Variants in CEP192 observed in about 807,000 individuals in gnomAD.
CEP192 encodes the protein centrosomal protein of 192 kDa.
A neutral mutation model predicts 271.8 loss-of-function variants in CEP192; 151 were observed. That is an observed-to-expected ratio of 0.56 (90% CI 0.49 to 0.64). The LOEUF is 0.64. Among genes scored for constraint, CEP192 ranks in the 30% least tolerant of loss-of-function variants. CEP192 has a pLI of 0.00. For synonymous variants in CEP192, 995 were observed against 1,076.5 expected (o/e 0.92, Z 1.48); for missense variants, 2,910 against 3,020.5 (o/e 0.96, Z 0.86).
Position 13,089,984 on chromosome 18 carries a change from G to A in CEP192, c.6103+419G>A, listed in dbSNP as rs557220398. ...CTCATTTTGAGGTTACTGTGCTATC[G>A]TGCCTATTGTAAGATTTATGGAAGA... On this transcript the variant is annotated intron_variant, in intron 33 of 44. Transcript: ENST00000506447. Among the ~76,000 whole-genome samples the A allele has an allele frequency of 2.7e-4, 41 of 152,212 alleles. 1 individual carries two copies. In the South Asian group the frequency reaches 8.3e-3, roughly 31 times the overall value.
intron 38 of CEP192, among the ~76,000 whole-genome samples, chr18:13,102,348 CCT>C (rs2144908639): frequency 6.6e-6 from 1 of 152,144 alleles, no homozygotes; most frequent in South Asian, 2.1e-4. Flanking sequence ...CCTGTGGTCC[CCT>C]CTCGCTCCAG....
At chr18:13,088,327 G>GT (rs1470569503) in intron 32 of CEP192, among the ~76,000 whole-genome samples, 1 of 152,000 alleles carries the variant, frequency 6.6e-6, no homozygotes, top group African/African-American at 2.4e-5. Context: ...GTGTGCACCT[G>GT]TAGTCCTCAC....
intron 21 of CEP192, among the ~76,000 whole-genome samples, chr18:13,062,468 AC>A (rs1428657220): frequency 6.6e-6 from 1 of 151,912 alleles, no homozygotes; most frequent in Non-Finnish European, 1.5e-5. Flanking sequence ...TCTCTAACTT[AC>A]ATTCCTAGAA....
Position 13,124,738 on chromosome 18 carries a change from C to T in CEP192, c.7582C>T (p.Arg2528Ter), listed in dbSNP as rs766305435. Residue 2528 changes from arginine to a stop codon, truncating the protein, a stop_gained, in exon 45 of 45, where the codon CGA becomes TGA. Coordinates refer to ENST00000506447, the MANE Select transcript of CEP192 (RefSeq NM_032142.4). LOFTEE classifies it high-confidence loss of function. ...AGATGAAGGCAAGAGTATTGCTATT[C>T]GACTAATTGGTGAAGCTCTTGGAAA... ...QTDEGKSIAIRLIGEALGKN is the reference protein window; with the variant it reads ...QTDEGKSIAI The T allele has an allele frequency of 1.5e-5, 24 of 1,611,936 alleles. No homozygotes were observed. Among genetic ancestry groups the T allele is most frequent in the East Asian group, 1.1e-4 (5 of 44,864 alleles).
rs1463221364 is a variant in CEP192, at chr18:13,068,016, A to AT, written c.4614+67dup. On this transcript the variant is annotated intron_variant, in intron 22 of 44. Coordinates refer to ENST00000506447, the MANE Select transcript of CEP192 (RefSeq NM_032142.4). ...GAATGCACTGATCTTATGAAAGTAC[A>AT]TTTTTTTAAGGATTTTGTTAGCAAA... is the stretch of plus-strand genomic sequence containing the variant. 37 of 1,602,536 alleles carry AT rather than the reference A, an allele frequency of 2.3e-5. No homozygotes were observed. The East Asian group carries it at 5.2e-4, about 22-fold the overall frequency.
intron 9 of CEP192, 117 bp downstream of exon 9, chr18:13,019,323 GA>G: frequency 1.2e-6 from 1 of 809,314 alleles, no homozygotes; most frequent in Non-Finnish European, 1.8e-6. Flanking sequence ...GAAAAATACA[GA>G]AAAAGTACTC....
At chr18:13,076,004 G>A (rs1209998389) in intron 30 of CEP192, among the ~76,000 whole-genome samples, 1 of 152,162 alleles carries the variant, frequency 6.6e-6, no homozygotes, top group Non-Finnish European at 1.5e-5. Flanking sequence ...GCAGAGTCTG[G>A]AGTTACTTTT....
chr18:13,055,210 C>T (rs1003588745), intron 18 of CEP192, among the ~76,000 whole-genome samples: 3 of 150,510 alleles, frequency 2.0e-5, no homozygotes, highest in African/African-American at 4.9e-5. Flanking sequence ...ACCAGGGAGG[C>T]GAAGGTTGCA....
rs145173434 is a variant in CEP192, at chr18:13,068,120, G to A, written c.4641G>A (p.Thr1547=). 1.2e-4 allele frequency: 199 copies of A among 1,614,182 alleles called. 1 individual carries two copies. The African/African-American group carries it at 2.0e-3, about 16-fold the overall frequency. ...ACGCTGTAGCCTGGCGCTGTTTCAC[G>A]TTTTCCAAGGAATCCGTCCGAGCTC... The part of the protein sequence containing the change: ...NANAVAWRCF[T]FSKESVRAPV... The change falls in exon 23 of 45, where the codon ACG becomes ACA. Residue 1547 remains threonine (T), a synonymous_variant. Transcript: ENST00000506447.
chr18:13,069,333 T>TA (rs1768698023), intron 26 of CEP192, 152 bp downstream of exon 26: 3 of 650,850 alleles, frequency 4.6e-6, no homozygotes, highest in Non-Finnish European at 8.0e-6. Flanking sequence ...AACTGGGTGT[T>TA]ATATAGCATA....
At chr18:13,095,356 C>A (rs772508940) in intron 34 of CEP192, 147 bp from the exon 35 acceptor site, 7 of 655,252 alleles carry the variant, frequency 1.1e-5, no homozygotes, top group African/African-American at 1.8e-5. Flanking sequence ...CTAAAAAATA[C>A]CTGATAACTC....
intron 40 of CEP192, among the ~76,000 whole-genome samples, chr18:13,105,984 G>A (rs2144962247): frequency 6.6e-6 from 1 of 152,168 alleles, no homozygotes. Context: ...CCCCAGCTGG[G>A]CCCAAAGCAG....
chr18:13,084,549 A>C (rs2038797173), intron 30 of CEP192, among the ~76,000 whole-genome samples: 1 of 152,118 alleles, frequency 6.6e-6, no homozygotes, highest in Admixed American at 6.5e-5. Flanking sequence ...CTTGGCTAGG[A>C]AAGGGAAATC....
intron 3 of CEP192, among the ~76,000 whole-genome samples, chr18:13,005,342 G>T (rs1263244531): frequency 1.3e-5 from 2 of 152,186 alleles, no homozygotes; most frequent in African/African-American, 4.8e-5. Context: ...GTTTGTTGGG[G>T]AGTAGAAGGG....
chr18:12,999,849 C>G (rs1323232799), intron 2 of CEP192, among the ~76,000 whole-genome samples: 1 of 110,972 alleles, frequency 9.0e-6, no homozygotes, highest in African/African-American at 3.4e-5. Context: ...TTTTTTTTGT[C>G]TATAGTGTTT....
chr18:13,042,302 G>A lies in CEP192; in HGVS notation c.2035G>A (p.Val679Met), dbSNP rs762363164. ...ESTSQVDEND[V>M]TLTADKGKTE... ...TACTTCACAAGTGGATGAAAATGAT[G>A]TGACGTTAACGGCTGATAAAGGCAA... Residue 679 changes from valine (V) to methionine (M), a missense_variant, in exon 15 of 45, where the codon GTG becomes ATG. Val to Met is a conservative substitution (Grantham distance 21). Coordinates refer to ENST00000506447, the MANE Select transcript of CEP192 (RefSeq NM_032142.4). 1.0e-4 allele frequency: 162 copies of A among 1,614,044 alleles called. 1 individual carries two copies. The South Asian group carries it at 1.7e-3, about 17-fold the overall frequency.
At chr18:13,083,623 C>T (rs1298898435) in intron 30 of CEP192, among the ~76,000 whole-genome samples, 1 of 152,188 alleles carries the variant, frequency 6.6e-6, no homozygotes, top group Non-Finnish European at 1.5e-5. Flanking sequence ...GCTGTCAGCT[C>T]ATCAAAGTCA....
chr18:13,027,047 A>C (rs908410315), intron 9 of CEP192, among the ~76,000 whole-genome samples: 5 of 152,186 alleles, frequency 3.3e-5, no homozygotes, highest in Non-Finnish European at 5.9e-5. Context: ...AAAGCATTCC[A>C]TAATGCTGTG....
intron 30 of CEP192, among the ~76,000 whole-genome samples, chr18:13,081,107 G>C (rs769514586): frequency 6.6e-6 from 1 of 152,016 alleles, no homozygotes; most frequent in African/African-American, 2.4e-5. Flanking sequence ...CTCTTTTTTT[G>C]TTGTGTCTTT....
Sources: allele counts gnomAD v4.1 joint callset (sites outside exome capture counted in the v4.1 genomes callset), GRCh38; gene constraint gnomAD v4.1.1; transcripts MANE v1.5; gene names NCBI Gene and HGNC (gene_info 2026-07-23, HGNC 2026-07-21).